Variants in SHQ1 observed in about 807,000 individuals in gnomAD.
SHQ1 encodes SHQ1, H/ACA ribonucleoprotein assembly factor.
Under a neutral mutation model 53.8 loss-of-function variants are expected in SHQ1, and 49 were observed. The observed-to-expected ratio is 0.91, with a 90% CI of 0.72 to 1.16. The LOEUF (loss-of-function observed/expected upper bound fraction) is 1.16, where lower values mean the gene tolerates loss of function less well. Among genes scored for constraint, SHQ1 ranks in the 50% most tolerant of loss-of-function variants. The pLI, the probability that SHQ1 is intolerant of heterozygous loss-of-function variation, is 0.00. For synonymous variants in SHQ1, 243 were observed against 251.0 expected (o/e 0.97, Z 0.30); for missense variants, 738 against 683.1 (o/e 1.08, Z -0.90).
At chr3:72,840,126 C>T (rs1708124860) in intron 4 of SHQ1, among the ~76,000 whole-genome samples, 1 of 150,264 alleles carries the variant, frequency 6.7e-6, no homozygotes, top group African/African-American at 2.4e-5. Flanking sequence ...GTGATGGGCG[C>T]CTGTAATCCC....
chr3:72,846,295 G>GT lies in SHQ1; in HGVS notation c.144-1873dup, dbSNP rs753070007. The GT allele has an allele frequency of 1.3e-5, 19 of 1,468,402 alleles. No individual in the cohort carries two copies. The East Asian group carries it at 1.5e-4, about 12-fold the overall frequency. The allele number at this position is 1,468,402 out of a possible 1,614,324, so 91.0% of individuals were successfully genotyped here. Reference sequence around the variant, plus strand: ...TCATCCTTGGTATAGCAAACTGTATGTTCTTTTTTTTTTTTTTTTTAGACA... The same window carrying GT: ...TCATCCTTGGTATAGCAAACTGTATGTTTCTTTTTTTTTTTTTTTTTAGACA... On this transcript the variant is annotated intron_variant, in intron 1 of 10. Coordinates refer to ENST00000325599, the MANE Select transcript of SHQ1 (RefSeq NM_018130.3).
At chr3:72,846,067 G>A (rs1302574414) in intron 1 of SHQ1, 2 of 721,480 alleles carry the variant, frequency 2.8e-6, no homozygotes, top group Non-Finnish European at 2.3e-6. Flanking sequence ...GCGTTACTAT[G>A]AGCATGAAAT....
At chr3:72,829,186 A>G (rs1707757208) in intron 5 of SHQ1, among the ~76,000 whole-genome samples, 1 of 152,210 alleles carries the variant, frequency 6.6e-6, no homozygotes, top group South Asian at 2.1e-4. Flanking sequence ...ATCAAGTTAG[A>G]AAATTCACAA....
At chr3:72,817,772 T>C (rs766716681) in intron 6 of SHQ1, among the ~76,000 whole-genome samples, 4 of 152,188 alleles carry the variant, frequency 2.6e-5, no homozygotes, top group Non-Finnish European at 2.9e-5. Context: ...TTGAAAGTTC[T>C]ATACCAAGAA....
At chr3:72,746,563 G>A (rs115067794), downstream of SHQ1, among the ~76,000 whole-genome samples, 1,568 of 152,226 alleles carry the variant, frequency 0.01, 27 homozygotes, top group African/African-American at 0.036. Flanking sequence ...CTGCCGACAC[G>A]GACTCTGAAA....
In SHQ1 at chr3:72,836,030, T is replaced by A. The variant is rs920416769; in HGVS notation, c.487-3549A>T. ...TATCATCTTCTTCACTGTATCCCCA[T>A]CACTGTGCCCGGTGTCCAATATTAA... On this transcript the variant is annotated intron_variant, in intron 4 of 10. Coordinates refer to ENST00000325599, the MANE Select transcript of SHQ1 (RefSeq NM_018130.3). 2.0e-5 allele frequency among the ~76,000 whole-genome samples: 3 copies of A among 152,234 alleles called. No individual in the cohort carries two copies. The East Asian group carries it at 5.8e-4, about 29-fold the overall frequency.
intron 8 of SHQ1, among the ~76,000 whole-genome samples, chr3:72,813,826 T>A (rs1707211829): frequency 7.3e-6 from 1 of 137,090 alleles, no homozygotes; most frequent in Non-Finnish European, 1.6e-5. Flanking sequence ...CCTCTCCTCT[T>A]TTTCTTTTTT....
At chr3:72,781,323 T>C (rs1357612471) in intron 10 of SHQ1, among the ~76,000 whole-genome samples, 2 of 152,104 alleles carry the variant, frequency 1.3e-5, no homozygotes, top group Non-Finnish European at 2.9e-5. Context: ...CCCAAAGTGC[T>C]GGGATTATGG....
At chr3:72,800,553 C>T (rs1014769109) in intron 9 of SHQ1, among the ~76,000 whole-genome samples, 6 of 152,174 alleles carry the variant, frequency 3.9e-5, no homozygotes, top group African/African-American at 1.4e-4. Flanking sequence ...TATTTATCAC[C>T]ATGTGTGATG....
intron 10 of SHQ1, among the ~76,000 whole-genome samples, chr3:72,763,802 G>A (rs1705660817): frequency 6.6e-6 from 1 of 152,126 alleles, no homozygotes; most frequent in Admixed American, 6.5e-5. Context: ...GTTCACAGGA[G>A]GAACCAACCC....
rs752384518 is a variant in SHQ1, at chr3:72,805,164, CA to C, written c.1060+7506del. ...AGCTCTTTTCTGATTAAAAGAAAAA[CA>C]AAAAAAAATTAATAAGAAAATAAAG... On this transcript the variant is annotated intron_variant, in intron 9 of 10. Coordinates refer to ENST00000325599, the MANE Select transcript of SHQ1 (RefSeq NM_018130.3). 7.1e-3 allele frequency among the ~76,000 whole-genome samples: 1,076 copies of C among 150,774 alleles called. 18 individuals carry two copies. The highest frequency in any genetic ancestry group is 0.025 in the African/African-American group (1,029 of 41,174).
chr3:72,824,321 A>AT, intron 6 of SHQ1, 103 bp downstream of exon 6: 1 of 1,363,322 alleles, frequency 7.3e-7, no homozygotes, highest in Non-Finnish European at 9.9e-7. Flanking sequence ...TTTTAACATT[A>AT]TAAGGCAATT....
At chr3:72,764,406 T>C (rs528777234) in intron 10 of SHQ1, among the ~76,000 whole-genome samples, 1 of 152,298 alleles carries the variant, frequency 6.6e-6, no homozygotes, top group African/African-American at 2.4e-5. Flanking sequence ...AAAGCCAGAC[T>C]TGACAACAGT....
intron 10 of SHQ1, among the ~76,000 whole-genome samples, chr3:72,768,638 A>G (rs929813520): frequency 3.3e-5 from 5 of 152,192 alleles, no homozygotes; most frequent in Admixed American, 2.6e-4. Context: ...CCAAAGAAGA[A>G]AACAACAACA....
intron 10 of SHQ1, among the ~76,000 whole-genome samples, chr3:72,751,504 GTGTGTATATA>G (rs1277528185): frequency 7.6e-5 from 9 of 118,158 alleles, no homozygotes; most frequent in African/African-American, 3.9e-4. Context: ...GTGTGTGTGT[GTGTGTATATA>G]TATATATATA....
chr3:72,793,302 T>C (rs1333806099), intron 9 of SHQ1: 1 of 260,960 alleles, frequency 3.8e-6, no homozygotes, highest in African/African-American at 2.3e-5. Flanking sequence ...GGTCAGGAGA[T>C]CGAGACCATC....
At chr3:72,747,387 G>T (rs533160226), downstream of SHQ1, among the ~76,000 whole-genome samples, 1 of 152,282 alleles carries the variant, frequency 6.6e-6, no homozygotes, top group Admixed American at 6.5e-5. Context: ...AACCAAAGCA[G>T]AAAAATGGGA....
chr3:72,787,523 C>T (rs1706270217), intron 10 of SHQ1, among the ~76,000 whole-genome samples: 1 of 152,038 alleles, frequency 6.6e-6, no homozygotes, highest in South Asian at 2.1e-4. Flanking sequence ...GAAATTTTCT[C>T]AGTGAGCATA....
At chr3:72,825,220 T>C (rs1707614530) in intron 5 of SHQ1, among the ~76,000 whole-genome samples, 1 of 152,072 alleles carries the variant, frequency 6.6e-6, no homozygotes, top group South Asian at 2.1e-4. Context: ...AATCTAGCAC[T>C]TGTGCTAGGT....
Sources: allele counts gnomAD v4.1 joint callset (sites outside exome capture counted in the v4.1 genomes callset), GRCh38; gene constraint gnomAD v4.1.1; transcripts MANE v1.5; gene names NCBI Gene and HGNC (gene_info 2026-07-23, HGNC 2026-07-21).